The following FHIT variants were observed in gnomAD, a reference collection of about 807,000 sequenced individuals.
FHIT encodes fragile histidine triad diadenosine triphosphatase.
FHIT carries 19 observed loss-of-function variants against 17.9 expected under a neutral mutation model. The observed-to-expected ratio is 1.06, with a 90% CI of 0.74 to 1.56. The LOEUF is 1.56. FHIT is among the 40% of genes most tolerant of loss of function. The pLI, the probability that FHIT is intolerant of heterozygous loss-of-function variation, is 0.00. For missense variants in FHIT, 248 were observed against 189.2 expected (o/e 1.31, Z -1.82); for synonymous variants, 81 against 69.7 (o/e 1.16, Z -0.81).
intron 7 of FHIT, among the ~76,000 whole-genome samples, chr3:59,985,009 T>C (rs13061330): frequency 0.53 from 80,689 of 151,774 alleles, 22,924 homozygotes; most frequent in South Asian, 0.7. Flanking sequence ...CAGATAGGTA[T>C]TGGAAAAGTG....
chr3:59,846,197 TTTGG>T (rs1701713020), intron 8 of FHIT, among the ~76,000 whole-genome samples: 1 of 152,142 alleles, frequency 6.6e-6, no homozygotes, highest in Non-Finnish European at 1.5e-5. Context: ...TTCTTTTGTG[TTTGG>T]TTGATTTCTT....
rs550771579 is a variant in FHIT at position 60,582,219 on chromosome 3, T to C, written c.-17-45240A>G. 1.1e-4 allele frequency among the ~76,000 whole-genome samples: 16 copies of C among 152,114 alleles called. No individual in the cohort carries two copies. In the East Asian group the frequency reaches 2.5e-3, roughly 24 times the overall value. On this transcript the variant is annotated intron_variant, in intron 4 of 9. Transcript: ENST00000492590. The stretch of plus-strand genomic sequence containing the variant: ...ATTTTTAAGCTTCTTAGTTTTTAAA[T>C]GTATAACCAAGGTTGAGAATCATTT...
At chr3:60,927,282 G>A (rs1290902699) in intron 3 of FHIT, among the ~76,000 whole-genome samples, 1 of 152,254 alleles carries the variant, frequency 6.6e-6, no homozygotes, top group East Asian at 1.9e-4. Flanking sequence ...ATTGCAGACA[G>A]AGTCTCGCTC....
chr3:60,307,891 T>C (rs1708755733), intron 5 of FHIT, among the ~76,000 whole-genome samples: 1 of 152,068 alleles, frequency 6.6e-6, no homozygotes, highest in African/African-American at 2.4e-5. Context: ...CACACACGTG[T>C]ACTGTGATAA....
At chr3:61,043,688 G>T (rs1211015294) in intron 2 of FHIT, among the ~76,000 whole-genome samples, 2 of 152,158 alleles carry the variant, frequency 1.3e-5, no homozygotes, top group Non-Finnish European at 2.9e-5. Context: ...CTTCAAGTGG[G>T]TCCCTGAGAC....
intron 4 of FHIT, among the ~76,000 whole-genome samples, chr3:60,688,044 T>C (rs2040899198): frequency 1.3e-5 from 2 of 152,200 alleles, no homozygotes; most frequent in South Asian, 4.1e-4. Flanking sequence ...TCTAATGAGT[T>C]ACTTTGTTTT....
At chr3:60,025,229 G>C (rs1406567280) in intron 5 of FHIT, among the ~76,000 whole-genome samples, 1 of 152,002 alleles carries the variant, frequency 6.6e-6, no homozygotes, top group African/African-American at 2.4e-5. Context: ...TCCTAACCTG[G>C]GTCTACAGAT....
chr3:60,997,273 G>T (rs1221826038), intron 3 of FHIT, among the ~76,000 whole-genome samples: 1 of 152,242 alleles, frequency 6.6e-6, no homozygotes, highest in Non-Finnish European at 1.5e-5. Context: ...AAACCAGGGA[G>T]AAGGTGCACC....
intron 5 of FHIT, among the ~76,000 whole-genome samples, chr3:60,346,020 C>CTTTTAAGA (rs1710760525): frequency 6.6e-6 from 1 of 152,146 alleles, no homozygotes; most frequent in African/African-American, 2.4e-5. Flanking sequence ...TCTATTCTTC[C>CTTTTAAGA]TTTTAAGATT....
chr3:60,878,800 C>T (rs1175819621), intron 3 of FHIT, among the ~76,000 whole-genome samples: 1 of 152,100 alleles, frequency 6.6e-6, no homozygotes, highest in African/African-American at 2.4e-5. Flanking sequence ...TCATCCATGC[C>T]CCTACAAAGG....
At chr3:60,186,044 G>T (rs1361000839) in intron 5 of FHIT, among the ~76,000 whole-genome samples, 2 of 152,058 alleles carry the variant, frequency 1.3e-5, no homozygotes, top group Non-Finnish European at 2.9e-5. Flanking sequence ...CTATATTATG[G>T]ATACAAGTCC....
At chr3:61,085,616 A>G (rs2035282048) in intron 2 of FHIT, among the ~76,000 whole-genome samples, 1 of 152,070 alleles carries the variant, frequency 6.6e-6, no homozygotes, top group Admixed American at 6.6e-5. Context: ...CACGTTTTAA[A>G]ATGTTATGAA....
chr3:60,152,155 C>G (rs1196355015), intron 5 of FHIT, among the ~76,000 whole-genome samples: 1 of 152,118 alleles, frequency 6.6e-6, no homozygotes, highest in East Asian at 1.9e-4. Context: ...TCTTGGTTCC[C>G]TTTGGTGAAA....
intron 7 of FHIT, among the ~76,000 whole-genome samples, chr3:59,939,865 G>A (rs9877140): frequency 0.19 from 29,238 of 152,128 alleles, 2,933 homozygotes; most frequent in African/African-American, 0.22. Context: ...TTGAGTTAAT[G>A]AGACATCCTC....
At chr3:59,916,835 T>C (rs1705156488) in intron 8 of FHIT, among the ~76,000 whole-genome samples, 1 of 152,196 alleles carries the variant, frequency 6.6e-6, no homozygotes, top group South Asian at 2.1e-4. Context: ...CTCCATTAAT[T>C]TAGAAGAACA....
intron 3 of FHIT, among the ~76,000 whole-genome samples, chr3:61,010,740 G>C (rs1396961029): frequency 6.6e-6 from 1 of 152,148 alleles, no homozygotes; most frequent in Non-Finnish European, 1.5e-5. Flanking sequence ...TATATCACCA[G>C]CTAAACTGCA....
intron 2 of FHIT, among the ~76,000 whole-genome samples, chr3:61,099,882 T>C (rs1399614206): frequency 6.6e-6 from 1 of 152,066 alleles, no homozygotes; most frequent in African/African-American, 2.4e-5. Context: ...GATTCCTTGA[T>C]CTTTTTTTAT....
At chr3:61,030,885 A>G (rs1218726041) in intron 3 of FHIT, among the ~76,000 whole-genome samples, 2 of 152,180 alleles carry the variant, frequency 1.3e-5, no homozygotes. Context: ...GTCTGTTTCC[A>G]TAACAGCAAG....
chr3:60,485,491 A>G lies in FHIT; in HGVS notation c.103+51369T>C, dbSNP rs368574817. Among the ~76,000 whole-genome samples, 34 of 152,308 alleles carry G rather than the reference A, an allele frequency of 2.2e-4. No homozygotes were observed. The East Asian group carries it at 4.1e-3, about 18-fold the overall frequency. ...TGCAGACATATAAAGGAATGAGATC[A>G]TGTCCTTTGCAGGGACATGGAAGAA... On this transcript the variant is annotated intron_variant, in intron 5 of 9. Coordinates refer to ENST00000492590, the MANE Select transcript of FHIT (RefSeq NM_002012.4).
Sources: allele counts gnomAD v4.1 joint callset (sites outside exome capture counted in the v4.1 genomes callset), GRCh38; gene constraint gnomAD v4.1.1; transcripts MANE v1.5; gene names NCBI Gene and HGNC (gene_info 2026-07-23, HGNC 2026-07-21).